Variants in SULF2 observed in about 807,000 individuals in gnomAD.
SULF2 encodes extracellular sulfatase Sulf-2.
Under a neutral mutation model 107.7 loss-of-function variants are expected in SULF2, and 52 were observed. The ratio of observed to expected loss-of-function variants is 0.48; its 90% confidence interval spans 0.39 to 0.61. The LOEUF (loss-of-function observed/expected upper bound fraction) is 0.61. SULF2 is among the 20% of genes least tolerant of loss of function. SULF2 has a pLI of 0.00. For synonymous variants in SULF2, 460 were observed against 464.3 expected (o/e 0.99, Z 0.12); for missense variants, 993 against 1,177.3 (o/e 0.84, Z 2.29).
intron 2 of SULF2, among the ~76,000 whole-genome samples, chr20:47,752,166 T>G (rs1171792841): frequency 6.6e-6 from 1 of 152,220 alleles, no homozygotes; most frequent in African/African-American, 2.4e-5. Flanking sequence ...AACAACACTG[T>G]GGCATTGGCC....
At position 47,662,950 on chromosome 20, in the gene SULF2, G is replaced by A. The variant is rs181999459; in HGVS notation, c.2370+120C>T. On this transcript the variant is annotated intron_variant, in intron 17 of 20. Transcript: ENST00000688720. ...AGCAGCTTCACAACTTACTCCCACC[G>A]GCTCAGGGACTCAGTGGGACTTGGA... 506 of 1,156,680 alleles carry A rather than the reference G, an allele frequency of 4.4e-4. 1 individual carries two copies. The highest frequency in any genetic ancestry group is 3.0e-3 in the Admixed American group (141 of 46,946). The allele number at this position is 1,156,680 out of a possible 1,614,324, so 71.7% of individuals were successfully genotyped here.
At chr20:47,695,902 T>G (rs1232392538) in intron 4 of SULF2, among the ~76,000 whole-genome samples, 1 of 152,244 alleles carries the variant, frequency 6.6e-6, no homozygotes, top group Non-Finnish European at 1.5e-5. Context: ...CATGAACCAC[T>G]GCGCCTGGCC....
At chr20:47,730,711 G>A (rs1351507064) in intron 3 of SULF2, among the ~76,000 whole-genome samples, 1 of 152,210 alleles carries the variant, frequency 6.6e-6, no homozygotes, top group East Asian at 1.9e-4. Context: ...GCTTCCCAGA[G>A]TGCTGGGATT....
At chr20:47,765,284 G>A (rs1342750546) in intron 1 of SULF2, among the ~76,000 whole-genome samples, 1 of 151,900 alleles carries the variant, frequency 6.6e-6, no homozygotes, top group Non-Finnish European at 1.5e-5. Flanking sequence ...GAACTCAGAG[G>A]TGGAGCCTGC....
intron 9 of SULF2, 97 bp downstream of exon 9, chr20:47,676,981 C>T: frequency 7.5e-7 from 1 of 1,333,754 alleles, no homozygotes; most frequent in Non-Finnish European, 1.1e-6. Flanking sequence ...GAGCCATGGG[C>T]AGCTCCTGAA....
intron 1 of SULF2, among the ~76,000 whole-genome samples, chr20:47,766,545 C>G (rs114136428): frequency 1.3e-5 from 2 of 152,202 alleles, no homozygotes; most frequent in Non-Finnish European, 2.9e-5. Flanking sequence ...AGTTACCTGC[C>G]TAACTATTGA....
intron 1 of SULF2, among the ~76,000 whole-genome samples, chr20:47,777,992 T>A (rs112092553): frequency 2.1e-5 from 3 of 140,686 alleles, no homozygotes; most frequent in South Asian, 4.4e-4. Flanking sequence ...AAAAAAAAAA[T>A]TAGCTGGGTA....
Position 47,683,053 on chromosome 20 carries a change from A to G in SULF2, c.1005T>C (p.Tyr335=). ...AGAACGGGACCCTGATGTCAAACTCATATGGCATGGATTTCCCTTTCACCA... is the reference window on the plus strand; with the variant it reads ...AGAACGGGACCCTGATGTCAAACTCGTATGGCATGGATTTCCCTTTCACCA... ...FGLVKGKSMP[Y]EFDIRVPFYV... Residue 335 remains tyrosine, a synonymous_variant, in exon 7 of 21, where the codon TAT becomes TAC. Coordinates refer to ENST00000688720, the MANE Select transcript of SULF2 (RefSeq NM_001387048.1). 6.2e-7 allele frequency: 1 copy of G among 1,613,588 alleles called. No individual in the cohort carries two copies. The highest frequency in any genetic ancestry group is 8.5e-7 in the Non-Finnish European group (1 of 1,179,906).
intron 2 of SULF2, among the ~76,000 whole-genome samples, chr20:47,746,648 A>G (rs1034327069): frequency 5.9e-5 from 9 of 151,986 alleles, no homozygotes; most frequent in African/African-American, 1.9e-4. Context: ...CGGGAGCCAC[A>G]CTTGGGCAAA....
intron 1 of SULF2, among the ~76,000 whole-genome samples, chr20:47,762,029 C>A (rs571219474): frequency 6.6e-6 from 1 of 152,226 alleles, no homozygotes; most frequent in Non-Finnish European, 1.5e-5. Flanking sequence ...ATAAGACGTG[C>A]CTTTCACCTT....
intron 2 of SULF2, among the ~76,000 whole-genome samples, chr20:47,755,513 C>T (rs767806061): frequency 2.6e-5 from 4 of 152,118 alleles, no homozygotes; most frequent in East Asian, 1.9e-4. Context: ...CCAAATCTAG[C>T]GGCTGCCCTT....
intron 17 of SULF2, 94 bp downstream of exon 17, chr20:47,662,976 C>A: frequency 7.0e-7 from 1 of 1,438,358 alleles, no homozygotes; most frequent in Non-Finnish European, 9.6e-7. Context: ...GGGACTTGGA[C>A]AATTTGTCAT....
chr20:47,664,938 C>T (rs967616123), intron 14 of SULF2, among the ~76,000 whole-genome samples: 14 of 152,216 alleles, frequency 9.2e-5, no homozygotes, highest in Non-Finnish European at 1.0e-4. Context: ...GGCACTTTTC[C>T]GGCCTGGAGC....
chr20:47,676,602 G>GTC lies in SULF2; in HGVS notation c.1270_1271dup (p.Asp424GlufsTer20). ...CCTCCTGGGCGTCCACCTTGTCATT[G>GTC]TCTCTCTTGTGTAGCAGCTTGCTAT... On this transcript the variant is annotated frameshift_variant, in exon 10 of 21. Coordinates refer to ENST00000688720, the MANE Select transcript of SULF2 (RefSeq NM_001387048.1). LOFTEE classifies it high-confidence loss of function. 6.4e-7 allele frequency: 1 copy of GTC among 1,555,582 alleles called. No individual in the cohort carries two copies. Among genetic ancestry groups the GTC allele is most frequent in the Non-Finnish European group, 8.7e-7 (1 of 1,149,606 alleles).
intron 11 of SULF2, 90 bp downstream of exon 11, chr20:47,672,108 G>T: frequency 7.2e-7 from 1 of 1,382,724 alleles, no homozygotes; most frequent in Non-Finnish European, 9.9e-7. Flanking sequence ...CAAAGTGACA[G>T]TCTCTGTGGA....
intron 2 of SULF2, among the ~76,000 whole-genome samples, chr20:47,737,746 C>CTTTTGTTTTTTTTTTTTTTTTTTTTTTTT (rs1555850608): frequency 8.8e-6 from 1 of 113,976 alleles, no homozygotes; most frequent in Non-Finnish European, 1.9e-5. Flanking sequence ...TTGTTTCTTT[C>CTTTTGTTTTTTTTTTTTTTTTTTTTTTTT]TTTTCTTTGT....
chr20:47,751,038 C>A (rs776861992), intron 2 of SULF2, among the ~76,000 whole-genome samples: 6 of 152,190 alleles, frequency 3.9e-5, no homozygotes, highest in African/African-American at 7.2e-5. Flanking sequence ...TCACTTTCTG[C>A]TCTTTTATGT....
chr20:47,766,296 C>T (rs2146950115), intron 1 of SULF2, among the ~76,000 whole-genome samples: 1 of 152,338 alleles, frequency 6.6e-6, no homozygotes, highest in East Asian at 1.9e-4. Flanking sequence ...ACCTATGGGC[C>T]ACAGCTTCTC....
At chr20:47,748,153 C>T (rs755443675) in intron 2 of SULF2, among the ~76,000 whole-genome samples, 5 of 152,214 alleles carry the variant, frequency 3.3e-5, no homozygotes, top group Non-Finnish European at 7.3e-5. Context: ...CTGGGGACCA[C>T]CAGGTCTCCC....
Sources: gnomAD v4.1 joint callset for allele counts (sites outside exome capture counted in the v4.1 genomes callset) on GRCh38, gnomAD v4.1.1 for gene constraint, MANE v1.5 for transcripts, NCBI Gene and HGNC (gene_info 2026-07-23, HGNC 2026-07-21) for gene names.